The following PYROXD2 variants were observed in gnomAD, a reference collection of about 807,000 sequenced individuals.
The protein encoded by PYROXD2 is pyridine nucleotide-disulphide oxidoreductase domain 2.
Under a neutral mutation model 71.1 loss-of-function variants are expected in PYROXD2, and 69 were observed. The ratio of observed to expected loss-of-function variants is 0.97; its 90% CI spans 0.80 to 1.19. The LOEUF (loss-of-function observed/expected upper bound fraction) is 1.19. PYROXD2 is among the 50% of genes most tolerant of loss of function. The pLI, the probability that PYROXD2 is intolerant of heterozygous loss-of-function variation, is 0.00. For synonymous variants in PYROXD2, 287 were observed against 302.7 expected, an observed-to-expected ratio of 0.95 and a Z score of 0.54; for missense variants, 745 against 748.9, an observed-to-expected ratio of 0.99 and a Z score of 0.06.
Position 98,395,232 on chromosome 10 carries a change from A to G in PYROXD2, c.749T>C (p.Ile250Thr). The change falls in exon 8 of 16, where the codon ATT (isoleucine) becomes ACT (threonine). Residue 250 changes from isoleucine (I) to threonine (T), a missense_variant. Physicochemically the swap from Ile to Thr is moderately conservative, Grantham distance 89 (BLOSUM62 -1). Coordinates refer to ENST00000370575, the MANE Select transcript of PYROXD2 (RefSeq NM_032709.3). ...LKATLATDAV[I>T]GAMTSPHTPG... ...AGTGTGGGGACTTGTCATGGCTCCAATCACTGCATCTGTGGCTAGAGTGGC... is the reference window on the plus strand; with the variant it reads ...AGTGTGGGGACTTGTCATGGCTCCAGTCACTGCATCTGTGGCTAGAGTGGC... The G allele has an allele frequency of 6.2e-7, 1 of 1,614,160 alleles. No homozygotes were observed. The highest frequency in any genetic ancestry group is 8.5e-7 in the Non-Finnish European group (1 of 1,180,034).
chr10:98,390,204 G>A (rs2135935296), intron 12 of PYROXD2, among the ~76,000 whole-genome samples: 1 of 152,288 alleles, frequency 6.6e-6, no homozygotes, highest in East Asian at 1.9e-4. Flanking sequence ...TAGAAGTTTT[G>A]CAAGAAGGCA....
intron 8 of PYROXD2, 45 bp downstream of exon 8, chr10:98,395,151 G>A (rs1843118009): frequency 1.3e-6 from 2 of 1,527,884 alleles, no homozygotes; most frequent in African/African-American, 1.4e-5. Context: ...CTCCTGTTGG[G>A]GAACATGCCC....
intron 2 of PYROXD2, chr10:98,410,642 T>C (rs554716439): frequency 2.1e-4 from 99 of 482,784 alleles, no homozygotes; most frequent in African/African-American, 1.8e-3. Context: ...GTTACATGCT[T>C]CCCCACCTTG....
chr10:98,409,126 C>T (rs1406397863), intron 2 of PYROXD2, among the ~76,000 whole-genome samples: 2 of 152,224 alleles, frequency 1.3e-5, no homozygotes, highest in South Asian at 2.1e-4. Flanking sequence ...TACACAGGAA[C>T]GATCTCACAG....
At chr10:98,407,161 GC>G (rs1400001981) in intron 4 of PYROXD2, among the ~76,000 whole-genome samples, 1 of 152,044 alleles carries the variant, frequency 6.6e-6, no homozygotes, top group Non-Finnish European at 1.5e-5. Flanking sequence ...CTTCCAAAAA[GC>G]CCGGGAGCCA....
At chr10:98,402,181 T>A (rs1395772513) in intron 4 of PYROXD2, among the ~76,000 whole-genome samples, 1 of 152,176 alleles carries the variant, frequency 6.6e-6, no homozygotes, top group Non-Finnish European at 1.5e-5. Flanking sequence ...TTGACCAACA[T>A]GGTGGCACAT....
chr10:98,394,741 T>C (rs546537674), intron 8 of PYROXD2, among the ~76,000 whole-genome samples: 6 of 151,766 alleles, frequency 4.0e-5, no homozygotes, highest in East Asian at 1.9e-4. Flanking sequence ...TGTGAGTGTG[T>C]ACCAGAGCCC....
chr10:98,403,568 T>A (rs1302978805), intron 4 of PYROXD2, among the ~76,000 whole-genome samples: 1 of 152,174 alleles, frequency 6.6e-6, no homozygotes, highest in Non-Finnish European at 1.5e-5. Flanking sequence ...CACACTGACC[T>A]GCCCTCTGCT....
At position 98,395,271 on chromosome 10, in the gene PYROXD2, G is replaced by C; in HGVS notation, c.710C>G (p.Ser237Cys). The C allele has an allele frequency of 3.1e-6, 5 of 1,614,178 alleles. No individual in the cohort carries two copies. Among genetic ancestry groups the C allele is most frequent in the Non-Finnish European group, 4.2e-6 (5 of 1,180,040 alleles). Residue 237 changes from serine to cysteine, a missense_variant, in exon 8 of 16, where the codon TCT (serine) becomes TGT (cysteine). Coordinates refer to ENST00000370575, the MANE Select transcript of PYROXD2 (RefSeq NM_032709.3). ...ITKVLDQWFE[S>C]EPLKATLATD... ...GGCTAGAGTGGCTTTTAAAGGCTCA[G>C]ACTCGAACCACTGATCCAGCACCTG... is the stretch of plus-strand genomic sequence containing the variant.
At position 98,408,996 on chromosome 10, in the gene PYROXD2, G is replaced by A. The variant is rs151212212; in HGVS notation, c.148-999C>T. Reference sequence around the variant, plus strand: ...GTGTTGGGAATTGAAACCAGACAGCGTGAAACCAGCATCTATCCTCCTAAC... The same window carrying A: ...GTGTTGGGAATTGAAACCAGACAGCATGAAACCAGCATCTATCCTCCTAAC... On this transcript the variant is annotated intron_variant, in intron 2 of 15. Coordinates refer to ENST00000370575, the MANE Select transcript of PYROXD2 (RefSeq NM_032709.3). Among the ~76,000 whole-genome samples the A allele has an allele frequency of 5.4e-4, 83 of 152,308 alleles. 1 individual carries two copies. The East Asian group carries it at 9.3e-3, about 17-fold the overall frequency.
intron 4 of PYROXD2, among the ~76,000 whole-genome samples, chr10:98,406,417 A>G (rs1321629337): frequency 1.3e-5 from 2 of 152,118 alleles, no homozygotes; most frequent in Non-Finnish European, 2.9e-5. Context: ...TCTGCTCTGG[A>G]CTGGAGACCA....
At chr10:98,411,963 G>C (rs1195698905) in intron 1 of PYROXD2, 1 of 152,222 alleles carries the variant, frequency 6.6e-6, no homozygotes, top group Admixed American at 6.5e-5. Flanking sequence ...GATGGAATCT[G>C]TCTCTCAAAG....
chr10:98,401,940 A>G (rs968458764), intron 4 of PYROXD2, among the ~76,000 whole-genome samples: 2 of 152,234 alleles, frequency 1.3e-5, no homozygotes, highest in African/African-American at 4.8e-5. Context: ...AATAATAATA[A>G]AAGTATAGTA....
chr10:98,388,206 T>G (rs1008825024), intron 13 of PYROXD2, 148 bp downstream of exon 13: 1 of 743,764 alleles, frequency 1.3e-6, no homozygotes, highest in Non-Finnish European at 2.2e-6. Context: ...CAGTCAACTA[T>G]GTTGACTTGA....
intron 12 of PYROXD2, 102 bp downstream of exon 12, chr10:98,390,496 G>T: frequency 7.5e-7 from 1 of 1,332,812 alleles, no homozygotes; most frequent in Non-Finnish European, 1.0e-6. Context: ...CACTGTGAAG[G>T]TTGAACACCA....
At chr10:98,392,898 G>A in intron 9 of PYROXD2, 44 bp downstream of exon 9, 1 of 1,598,318 alleles carries the variant, frequency 6.3e-7, no homozygotes, top group Non-Finnish European at 8.6e-7. Context: ...GTTCTGTCCT[G>A]GGATCCTTAC....
chr10:98,384,101 G>A (rs548673213), intron 15 of PYROXD2, among the ~76,000 whole-genome samples: 7 of 152,138 alleles, frequency 4.6e-5, no homozygotes, highest in East Asian at 1.9e-4. Context: ...CAGTCTCAAC[G>A]GCTGAGGGTG....
At chr10:98,397,877 C>CTT (rs60678578) in intron 5 of PYROXD2, among the ~76,000 whole-genome samples, 187 of 84,012 alleles carry the variant, frequency 2.2e-3, no homozygotes, top group Non-Finnish European at 3.3e-3. Context: ...GTCCTTTCTT[C>CTT]TTTTTTTTTT....
At chr10:98,410,762 A>T in intron 2 of PYROXD2, 177 bp downstream of exon 2, 1 of 861,414 alleles carries the variant, frequency 1.2e-6, no homozygotes, top group South Asian at 1.8e-5. Flanking sequence ...AGCTGGCTGC[A>T]GATGAGCATT....
Sources: allele counts gnomAD v4.1 joint callset (sites outside exome capture counted in the v4.1 genomes callset), GRCh38; gene constraint gnomAD v4.1.1; transcripts MANE v1.5; gene names NCBI Gene and HGNC (gene_info 2026-07-23, HGNC 2026-07-21).